The following DKK2 variants were observed in gnomAD, a reference collection of about 807,000 sequenced individuals.
DKK2 encodes dickkopf Wnt signaling pathway inhibitor 2.
DKK2 carries 11 observed loss-of-function variants against 28.1 expected under a neutral mutation model. That is an observed-to-expected ratio of 0.39 (90% CI 0.25 to 0.65). DKK2 has a LOEUF of 0.65. Ranked by LOEUF, DKK2 falls within the 30% of genes least tolerant of loss-of-function variation. DKK2 has a pLI of 0.47. For missense variants in DKK2, 326 were observed against 335.5 expected (o/e 0.97, Z 0.22); for synonymous variants, 135 against 126.5 (o/e 1.07, Z -0.45).
At chr4:107,007,404 A>G (rs983530694) in intron 1 of DKK2, among the ~76,000 whole-genome samples, 1 of 152,136 alleles carries the variant, frequency 6.6e-6, no homozygotes, top group African/African-American at 2.4e-5. Context: ...TAGAGCATTT[A>G]TTTTAGCACT....
intron 1 of DKK2, among the ~76,000 whole-genome samples, chr4:106,961,711 ACAGGCCAG>A (rs948707412): frequency 6.6e-6 from 1 of 152,088 alleles, no homozygotes; most frequent in African/African-American, 2.4e-5. Context: ...TGTAATTCAG[ACAGGCCAG>A]CAGTCAATTA....
intron 1 of DKK2, among the ~76,000 whole-genome samples, chr4:106,961,009 G>A (rs1448316686): frequency 2.0e-5 from 3 of 152,100 alleles, no homozygotes; most frequent in Non-Finnish European, 4.4e-5. Context: ...AAGGGTCCAA[G>A]CATTCGCTCT....
intron 1 of DKK2, among the ~76,000 whole-genome samples, chr4:106,950,501 T>C (rs1724843159): frequency 6.9e-6 from 1 of 144,896 alleles, no homozygotes; most frequent in South Asian, 2.2e-4. Flanking sequence ...TGCTGAAAAC[T>C]ATCTACTGGT....
Position 107,035,408 on chromosome 4 carries a change from C to T in DKK2, c.184G>A (p.Ala62Thr), listed in dbSNP as rs895492763. The change falls in exon 1 of 4, where the codon GCA (alanine) becomes ACA (threonine). Residue 62 changes from alanine to threonine, a missense_variant. By Grantham distance (58) the Ala-to-Thr change is moderately conservative. Transcript: ENST00000285311. ...TTGCCCTTCTTACTGCCGCCGAATG[C>T]CAGTCCTTGGTACATGCCCGCAGAT... ...NRSAGMYQGLAFGGSKKGKNL... is the reference protein window; with the variant it reads ...NRSAGMYQGLTFGGSKKGKNL... 1 of 1,614,204 alleles carries T rather than the reference C, an allele frequency of 6.2e-7. No homozygotes were observed. The highest frequency in any genetic ancestry group is 1.3e-5 in the African/African-American group (1 of 75,060).
At chr4:107,008,117 C>T (rs1369281776) in intron 1 of DKK2, among the ~76,000 whole-genome samples, 1 of 152,114 alleles carries the variant, frequency 6.6e-6, no homozygotes, top group Non-Finnish European at 1.5e-5. Context: ...TTCTGATCAC[C>T]ACCATTAAAA....
rs553959655 is a variant in DKK2, at chr4:107,031,379, T to C, written c.222+3991A>G. ...ATATAGTTTATTTCAGTGAGCACTTTCATGAATGTTTGTGCATACAGATAC... is the reference window on the plus strand; with the variant it reads ...ATATAGTTTATTTCAGTGAGCACTTCCATGAATGTTTGTGCATACAGATAC... On this transcript the variant is annotated intron_variant, in intron 1 of 3. Coordinates refer to ENST00000285311, the MANE Select transcript of DKK2 (RefSeq NM_014421.3). 5.9e-5 allele frequency among the ~76,000 whole-genome samples: 9 copies of C among 152,132 alleles called. No homozygotes were observed. The South Asian group carries it at 1.7e-3, about 28-fold the overall frequency.
chr4:106,992,726 G>A (rs2110362190), intron 1 of DKK2, among the ~76,000 whole-genome samples: 1 of 152,206 alleles, frequency 6.6e-6, no homozygotes, highest in Middle Eastern at 3.4e-3. Context: ...AACCCTCTCG[G>A]GTAAATTCTA....
At chr4:106,998,630 C>G (rs560513227) in intron 1 of DKK2, among the ~76,000 whole-genome samples, 1 of 152,158 alleles carries the variant, frequency 6.6e-6, no homozygotes, top group Non-Finnish European at 1.5e-5. Context: ...ATGAATAATA[C>G]TTTCCAAAAA....
At chr4:107,007,816 G>A (rs1360631817) in intron 1 of DKK2, among the ~76,000 whole-genome samples, 2 of 152,144 alleles carry the variant, frequency 1.3e-5, no homozygotes, top group African/African-American at 4.8e-5. Flanking sequence ...AGGAGCTGGT[G>A]TGGATAAAGT....
intron 1 of DKK2, among the ~76,000 whole-genome samples, chr4:106,991,861 C>T (rs989398797): frequency 6.6e-6 from 1 of 152,182 alleles, no homozygotes; most frequent in Admixed American, 6.5e-5. Context: ...CCATCAGCTC[C>T]ATACTCCGAA....
At chr4:106,977,741 A>G (rs1208691899) in intron 1 of DKK2, among the ~76,000 whole-genome samples, 3 of 152,130 alleles carry the variant, frequency 2.0e-5, no homozygotes, top group Non-Finnish European at 2.9e-5. Flanking sequence ...ACTTCTGTCA[A>G]TTCGTCAAAC....
At chr4:106,961,630 C>T (rs182828114) in intron 1 of DKK2, among the ~76,000 whole-genome samples, 154 of 149,958 alleles carry the variant, frequency 1.0e-3, no homozygotes, top group Non-Finnish European at 2.0e-3. Flanking sequence ...CACAGACTTT[C>T]TTCGTAAACA....
At chr4:106,954,801 A>G (rs981421510) in intron 1 of DKK2, among the ~76,000 whole-genome samples, 11 of 152,322 alleles carry the variant, frequency 7.2e-5, no homozygotes, top group African/African-American at 2.4e-4. Context: ...GATTACAGGC[A>G]TGAGCCACTG....
At position 107,036,239 on chromosome 4, in the gene DKK2, C is replaced by CCTAGGGAATTCCAGCGAA. The variant is rs1328793859; in HGVS notation, c.-649_-648insTTCGCTGGAATTCCCTAG. ...CTGACTCACAAGAGACAGCGAATCG[C>CCTAGGGAATTCCAGCGAA]TGCCAGCGCAGCGATGCCTAGGGAG... is the stretch of plus-strand genomic sequence containing the variant. On this transcript the variant is annotated 5_prime_UTR_variant, in exon 1 of 4. Transcript: ENST00000285311. 4 of 152,594 alleles carry CCTAGGGAATTCCAGCGAA rather than the reference C, an allele frequency of 2.6e-5. No homozygotes were observed. The highest frequency in any genetic ancestry group is 9.6e-5 in the African/African-American group (4 of 41,586). 9.5% of individuals were successfully genotyped at this position (152,594 alleles called of 1,614,324 possible).
intron 1 of DKK2, among the ~76,000 whole-genome samples, chr4:106,974,532 GCTCT>G (rs1272702685): frequency 2.6e-5 from 4 of 151,914 alleles, no homozygotes; most frequent in African/African-American, 7.3e-5. Context: ...TCATGATTTG[GCTCT>G]CTATTTGTTT....
chr4:106,967,377 G>A (rs916109093), intron 1 of DKK2, among the ~76,000 whole-genome samples: 4 of 152,070 alleles, frequency 2.6e-5, no homozygotes, highest in African/African-American at 9.7e-5. Flanking sequence ...GGATACCTAG[G>A]AGTTACCTAG....
chr4:106,983,037 T>G (rs944165184), intron 1 of DKK2, among the ~76,000 whole-genome samples: 1 of 104,316 alleles, frequency 9.6e-6, no homozygotes, highest in Non-Finnish European at 2.1e-5. Context: ...AGAAGAAAGA[T>G]GAAAGAAAGA....
At chr4:106,931,067 T>G (rs1024026852) in intron 1 of DKK2, among the ~76,000 whole-genome samples, 1 of 152,188 alleles carries the variant, frequency 6.6e-6, no homozygotes, top group Non-Finnish European at 1.5e-5. Flanking sequence ...GTGCAGGGAC[T>G]TATATGTCAA....
chr4:106,924,395 A>G, intron 3 of DKK2, 150 bp downstream of exon 3: 1 of 1,265,946 alleles, frequency 7.9e-7, no homozygotes, highest in Non-Finnish European at 1.1e-6. Flanking sequence ...GTCTGTTTCC[A>G]TTATTTGCCA....
Sources: allele counts gnomAD v4.1 joint callset (sites outside exome capture counted in the v4.1 genomes callset), GRCh38; gene constraint gnomAD v4.1.1; transcripts MANE v1.5; gene names NCBI Gene and HGNC (gene_info 2026-07-23, HGNC 2026-07-21).